The following ZSWIM5 variants were observed in gnomAD, a reference collection of about 807,000 sequenced individuals.
The protein encoded by ZSWIM5 is zinc finger SWIM-type containing 5.
A neutral mutation model predicts 119.6 loss-of-function variants in ZSWIM5; 55 were observed. The ratio of observed to expected loss-of-function variants is 0.46; its 90% CI spans 0.37 to 0.58. The LOEUF (loss-of-function observed/expected upper bound fraction) is 0.58, where lower values mean the gene tolerates loss of function less well. Ranked by LOEUF, ZSWIM5 falls within the 20% of genes least tolerant of loss-of-function variation. The pLI, the probability that ZSWIM5 is intolerant of heterozygous loss-of-function variation, is 0.00. For synonymous variants in ZSWIM5, 537 were observed against 606.9 expected (o/e 0.88, Z 1.69); for missense variants, 1,193 against 1,512.8 (o/e 0.79, Z 3.51).
At position 45,058,831 on chromosome 1, in the gene ZSWIM5, G is replaced by C. The variant is rs1645137705; in HGVS notation, c.1102-72C>G. On this transcript the variant is annotated intron_variant, in intron 3 of 13. Transcript: ENST00000359600. ...AAAGTAGGAGGAGAAGGAAGTGGGG[G>C]AGGGGGAAGTGAAGATGAAGTATCT... 1.3e-5 allele frequency: 20 copies of C among 1,565,334 alleles called. No individual in the cohort carries two copies. The East Asian group carries it at 4.5e-4, about 35-fold the overall frequency.
chr1:45,193,318 ATCATATCATGCTATCTTATGT>A (rs565146202), intron 1 of ZSWIM5, among the ~76,000 whole-genome samples: 1 of 152,338 alleles, frequency 6.6e-6, no homozygotes, highest in South Asian at 2.1e-4. Context: ...AAACCACTAC[ATCATATCATGCTATCTTATGT>A]TCATAAAATT....
chr1:45,127,971 T>C (rs556512176), intron 1 of ZSWIM5, among the ~76,000 whole-genome samples: 1 of 152,230 alleles, frequency 6.6e-6, no homozygotes, highest in South Asian at 2.1e-4. Context: ...ATACTACTGG[T>C]GAAAGAAAAC....
At chr1:45,039,373 C>T (rs201935333) in intron 7 of ZSWIM5, among the ~76,000 whole-genome samples, 16 of 152,290 alleles carry the variant, frequency 1.1e-4, no homozygotes, top group East Asian at 9.6e-4. Flanking sequence ...TGCCACCATG[C>T]CCTGTTAATT....
chr1:45,166,596 T>C (rs1006671759), intron 1 of ZSWIM5, among the ~76,000 whole-genome samples: 6 of 152,076 alleles, frequency 3.9e-5, no homozygotes, highest in African/African-American at 1.4e-4. Context: ...CAAAATCTCC[T>C]TAAGCTGATA....
intron 1 of ZSWIM5, among the ~76,000 whole-genome samples, chr1:45,182,955 GCACCA>G (rs1355502418): frequency 6.7e-6 from 1 of 149,088 alleles, no homozygotes; most frequent in East Asian, 2.0e-4. Context: ...ATTTTTTTCA[GCACCA>G]CACCACACCT....
intron 1 of ZSWIM5, among the ~76,000 whole-genome samples, chr1:45,156,331 T>C (rs1164214674): frequency 6.6e-6 from 1 of 151,978 alleles, no homozygotes; most frequent in Admixed American, 6.6e-5. Flanking sequence ...AACTAACTAT[T>C]GAGTACTATC....
At chr1:45,172,715 T>C (rs1645953886) in intron 1 of ZSWIM5, among the ~76,000 whole-genome samples, 1 of 152,158 alleles carries the variant, frequency 6.6e-6, no homozygotes. Context: ...TATATATCTT[T>C]TTCTCCCACA....
chr1:45,100,347 T>G (rs1489787746), intron 1 of ZSWIM5, among the ~76,000 whole-genome samples: 5 of 152,172 alleles, frequency 3.3e-5, no homozygotes, highest in African/African-American at 9.7e-5. Context: ...ACAAGGGATG[T>G]GAAGGACCTC....
chr1:45,020,999 C>A (rs552185898), intron 11 of ZSWIM5, among the ~76,000 whole-genome samples: 9 of 152,074 alleles, frequency 5.9e-5, no homozygotes, highest in Non-Finnish European at 8.8e-5. Flanking sequence ...TTCTCTCCAC[C>A]TTTTCATCTG....
At chr1:45,031,503 C>T (rs1644953162) in intron 11 of ZSWIM5, among the ~76,000 whole-genome samples, 1 of 151,802 alleles carries the variant, frequency 6.6e-6, no homozygotes, top group Non-Finnish European at 1.5e-5. Context: ...TTTATTATTT[C>T]CTTCCCTATG....
In ZSWIM5 at chr1:45,088,944, C is replaced by A. The variant is rs1468818403; in HGVS notation, c.596-707G>T. Among the ~76,000 whole-genome samples, 1 of 152,088 alleles carries A rather than the reference C, an allele frequency of 6.6e-6. No homozygotes were observed. Among genetic ancestry groups the A allele is most frequent in the African/African-American group, 2.4e-5 (1 of 41,408 alleles). On this transcript the variant is annotated intron_variant, in intron 1 of 13. Coordinates refer to ENST00000359600, the MANE Select transcript of ZSWIM5 (RefSeq NM_020883.2). The surrounding 1 kb of genome is among the most constrained non-coding windows in gnomAD (Gnocchi z 4.2). ...AGATAAAATCAATAGCAAATCAATT[C>A]TATAATATTAATTATGCTTTATTAT...
intron 11 of ZSWIM5, among the ~76,000 whole-genome samples, chr1:45,021,990 C>T (rs563772017): frequency 6.9e-6 from 1 of 145,340 alleles, no homozygotes; most frequent in East Asian, 2.1e-4. Flanking sequence ...CCACTGCACT[C>T]CAGCCTGGGT....
intron 1 of ZSWIM5, among the ~76,000 whole-genome samples, chr1:45,137,650 G>T (rs932970963): frequency 2.0e-5 from 3 of 152,124 alleles, no homozygotes; most frequent in Non-Finnish European, 4.4e-5. Context: ...ACAATATAAA[G>T]ATCCAAAGAC....
chr1:45,019,715 T>A lies in ZSWIM5; in HGVS notation c.2695+351A>T, dbSNP rs911378036. The stretch of plus-strand genomic sequence containing the variant: ...GAAAGGGTCCTGAGCCTCTAAGTTG[T>A]CTGGAGTTTTTTACAAGCATGCACA... On this transcript the variant is annotated intron_variant, in intron 13 of 13. Transcript: ENST00000359600. This position sits in a 1 kb window ranked among gnomAD's most constrained non-coding sequence, Gnocchi z 5.0. Among the ~76,000 whole-genome samples, 1 of 152,154 alleles carries A rather than the reference T, an allele frequency of 6.6e-6. No individual in the cohort carries two copies. Among genetic ancestry groups the A allele is most frequent in the African/African-American group, 2.4e-5 (1 of 41,422 alleles).
intron 1 of ZSWIM5, among the ~76,000 whole-genome samples, chr1:45,173,606 C>T (rs909252878): frequency 3.9e-5 from 6 of 152,004 alleles, no homozygotes; most frequent in Non-Finnish European, 8.8e-5. Flanking sequence ...CCAGCTGCCC[C>T]ACATAACTAT....
chr1:45,157,457 G>A (rs1645833538), intron 1 of ZSWIM5, among the ~76,000 whole-genome samples: 1 of 152,170 alleles, frequency 6.6e-6, no homozygotes, highest in Admixed American at 6.5e-5. Context: ...TTATAGGCAT[G>A]AGCCACCATG....
chr1:45,088,286 C>T lies in ZSWIM5; in HGVS notation c.596-49G>A. On this transcript the variant is annotated intron_variant, in intron 1 of 13. Transcript: ENST00000359600. This position sits in a 1 kb window ranked among gnomAD's most constrained non-coding sequence, Gnocchi z 4.2. ...TGTTTAGAGATTCTAGAGTAATAAA[C>T]TTAGATTCTCATTTTACATGTAAAT... 1 of 1,319,922 alleles carries T rather than the reference C, an allele frequency of 7.6e-7. No homozygotes were observed. The highest frequency in any genetic ancestry group is 1.4e-5 in the South Asian group (1 of 69,972). 81.8% of individuals were successfully genotyped at this position (1,319,922 alleles called of 1,614,324 possible).
Position 45,088,272 on chromosome 1 carries a change from T to A in ZSWIM5, c.596-35A>T. On this transcript the variant is annotated intron_variant, in intron 1 of 13. Coordinates refer to ENST00000359600, the MANE Select transcript of ZSWIM5 (RefSeq NM_020883.2). This position sits in a 1 kb window ranked among gnomAD's most constrained non-coding sequence, Gnocchi z 4.2. Reference sequence around the variant, plus strand: ...CACAAAAGAAACTGTGTTTAGAGATTCTAGAGTAATAAACTTAGATTCTCA... The same window carrying A: ...CACAAAAGAAACTGTGTTTAGAGATACTAGAGTAATAAACTTAGATTCTCA... The A allele has an allele frequency of 7.0e-7, 1 of 1,430,264 alleles. No homozygotes were observed. The allele number at this position is 1,430,264 out of a possible 1,614,324, so 88.6% of individuals were successfully genotyped here. A position where few individuals can be genotyped will look rare whatever the true frequency, so the allele number is the denominator to read the frequency against.
intron 2 of ZSWIM5, among the ~76,000 whole-genome samples, chr1:45,085,700 CTT>C (rs2149010705): frequency 6.6e-6 from 1 of 152,230 alleles, no homozygotes; most frequent in African/African-American, 2.4e-5. Context: ...CCTCAAACAT[CTT>C]TGCTCCAGTT....
Sources: allele counts gnomAD v4.1 joint callset (sites outside exome capture counted in the v4.1 genomes callset), GRCh38; gene constraint gnomAD v4.1.1; non-coding constraint Gnocchi (gnomAD v3.1); transcripts MANE v1.5; gene names NCBI Gene and HGNC (gene_info 2026-07-23, HGNC 2026-07-21).